The following DPP10 variants were observed in gnomAD, a reference collection of about 807,000 sequenced individuals.
The protein encoded by DPP10 is dipeptidyl peptidase like 10, also known as inactive dipeptidyl peptidase 10.
In DPP10, 33 loss-of-function variants were observed where a neutral mutation model predicts 120.9. That is an observed-to-expected ratio of 0.27 (90% CI 0.21 to 0.37). The LOEUF is 0.37. Ranked by LOEUF, DPP10 falls within the 10% of genes least tolerant of loss-of-function variation. DPP10 has a pLI of 1.00. For missense variants in DPP10, 816 were observed against 942.8 expected, an observed-to-expected ratio of 0.87 and a Z score of 1.76; for synonymous variants, 337 against 326.1, an observed-to-expected ratio of 1.03 and a Z score of -0.36.
intron 1 of DPP10, among the ~76,000 whole-genome samples, chr2:114,949,743 G>C (rs1034612036): frequency 6.6e-6 from 1 of 152,172 alleles, no homozygotes; most frequent in African/African-American, 2.4e-5. Flanking sequence ...GCTGATGATT[G>C]AAAGAGGCAT....
intron 1 of DPP10, among the ~76,000 whole-genome samples, chr2:114,886,727 T>C (rs1013198555): frequency 6.6e-6 from 1 of 152,248 alleles, no homozygotes; most frequent in Non-Finnish European, 1.5e-5. Flanking sequence ...CTCTCCTCCC[T>C]GAAGAGTCTT....
chr2:115,161,915 A>G, intron 1 of DPP10: 2 of 1,435,148 alleles, frequency 1.4e-6, no homozygotes, highest in South Asian at 1.4e-5. Context: ...CCCGAGTCTG[A>G]AGCGCCCGCG....
chr2:115,734,421 C>T (rs941997894), intron 8 of DPP10, among the ~76,000 whole-genome samples: 7 of 151,848 alleles, frequency 4.6e-5, no homozygotes, highest in African/African-American at 1.2e-4. Context: ...ACTGGGAGGC[C>T]GAGGTGGGCG....
At chr2:115,370,159 TCTC>T (rs2065316349) in intron 3 of DPP10, among the ~76,000 whole-genome samples, 1 of 152,104 alleles carries the variant, frequency 6.6e-6, no homozygotes, top group Non-Finnish European at 1.5e-5. Flanking sequence ...TTAACTGAAA[TCTC>T]CTATCAAAGA....
intron 7 of DPP10, among the ~76,000 whole-genome samples, chr2:115,695,881 A>G (rs917929511): frequency 3.3e-5 from 5 of 152,186 alleles, no homozygotes; most frequent in African/African-American, 9.6e-5. Flanking sequence ...TATGAACAAA[A>G]TGGAAATACC....
intron 1 of DPP10, among the ~76,000 whole-genome samples, chr2:114,792,632 G>A (rs774488848): frequency 6.6e-6 from 1 of 152,156 alleles, no homozygotes; most frequent in Non-Finnish European, 1.5e-5. Flanking sequence ...ATATTGTTTA[G>A]GCTGAATACC....
chr2:115,398,509 T>TAACA (rs1306225557), intron 3 of DPP10, among the ~76,000 whole-genome samples: 20 of 152,124 alleles, frequency 1.3e-4, no homozygotes, highest in Non-Finnish European at 2.4e-4. Flanking sequence ...ATAGCATAAA[T>TAACA]AACAGAATGT....
At chr2:114,931,192 A>G (rs978356697) in intron 1 of DPP10, among the ~76,000 whole-genome samples, 14 of 151,964 alleles carry the variant, frequency 9.2e-5, no homozygotes, top group African/African-American at 3.4e-4. Context: ...CTTGGTACCA[A>G]TTTTCTGTCT....
chr2:114,566,180 G>A (rs748677350), intron 1 of DPP10, among the ~76,000 whole-genome samples: 4 of 152,068 alleles, frequency 2.6e-5, no homozygotes, highest in Non-Finnish European at 5.9e-5. Context: ...GCCTGCTTGG[G>A]AGACAATTCA....
At chr2:114,490,204 A>G (rs1184771055) in intron 1 of DPP10, among the ~76,000 whole-genome samples, 3 of 151,952 alleles carry the variant, frequency 2.0e-5, no homozygotes, top group Non-Finnish European at 4.4e-5. Flanking sequence ...TCTTGCCCTC[A>G]TGATCTTGTT....
intron 1 of DPP10, among the ~76,000 whole-genome samples, chr2:115,014,939 C>G (rs1030303931): frequency 1.3e-4 from 19 of 150,950 alleles, no homozygotes; most frequent in South Asian, 6.3e-4. Flanking sequence ...GGAGCTGGTA[C>G]CATTCTTTCT....
intron 1 of DPP10, among the ~76,000 whole-genome samples, chr2:115,164,123 C>A (rs940848042): frequency 2.8e-4 from 43 of 152,006 alleles, no homozygotes; most frequent in South Asian, 4.2e-4. Flanking sequence ...GAATCTTATG[C>A]ATGTGTTCTA....
chr2:115,484,951 GT>G, intron 3 of DPP10, among the ~76,000 whole-genome samples: 1 of 152,012 alleles, frequency 6.6e-6, no homozygotes, highest in South Asian at 2.1e-4. Context: ...CGTGCCTGTA[GT>G]CCCAGCTACT....
chr2:115,391,246 G>C (rs2067294552), intron 3 of DPP10, among the ~76,000 whole-genome samples: 1 of 152,128 alleles, frequency 6.6e-6, no homozygotes, highest in Non-Finnish European at 1.5e-5. Context: ...GTAGAATGAT[G>C]ATTAACAACA....
intron 1 of DPP10, among the ~76,000 whole-genome samples, chr2:115,087,731 T>C (rs1288235292): frequency 6.6e-6 from 1 of 151,750 alleles, no homozygotes; most frequent in East Asian, 1.9e-4. Context: ...TTTTGTATTT[T>C]TAGTAGAGAT....
At chr2:115,119,737 CTTGAATA>C (rs748722106) in intron 1 of DPP10, among the ~76,000 whole-genome samples, 19 of 152,072 alleles carry the variant, frequency 1.2e-4, no homozygotes, top group Non-Finnish European at 2.6e-4. Flanking sequence ...AAGGATGCCT[CTTGAATA>C]TTGAGAGGAC....
intron 1 of DPP10, among the ~76,000 whole-genome samples, chr2:115,260,058 G>A (rs761783085): frequency 2.7e-5 from 4 of 150,942 alleles, no homozygotes; most frequent in African/African-American, 7.3e-5. Context: ...ATTCATTCAC[G>A]CTTTTCCATA....
At chr2:115,560,897 G>A (rs2080613367) in intron 5 of DPP10, among the ~76,000 whole-genome samples, 1 of 152,094 alleles carries the variant, frequency 6.6e-6, no homozygotes, top group African/African-American at 2.4e-5. Flanking sequence ...CAACATGGGT[G>A]CCTCTATTTA....
intron 1 of DPP10, among the ~76,000 whole-genome samples, chr2:114,907,591 A>G (rs747634448): frequency 5.3e-5 from 8 of 152,116 alleles, no homozygotes; most frequent in Non-Finnish European, 1.2e-4. Flanking sequence ...ATATTCCTGC[A>G]TATTCTTAAA....
Sources: allele counts gnomAD v4.1 joint callset (sites outside exome capture counted in the v4.1 genomes callset), GRCh38; gene constraint gnomAD v4.1.1; transcripts MANE v1.5; gene names NCBI Gene and HGNC (gene_info 2026-07-23, HGNC 2026-07-21).